The following MARF1 variants were observed in gnomAD, a reference collection of about 807,000 sequenced individuals.
MARF1 encodes meiosis regulator and mRNA stability factor 1, also known as limkain-b1.
MARF1 carries 24 observed loss-of-function variants against 168.2 expected under a neutral mutation model. The ratio of observed to expected loss-of-function variants is 0.14; its 90% CI spans 0.10 to 0.20. The LOEUF is 0.20. Ranked by LOEUF, MARF1 falls within the 10% of genes least tolerant of loss-of-function variation. The pLI, the probability that MARF1 is intolerant of heterozygous loss-of-function variation, is 1.00. For synonymous variants in MARF1, 868 were observed against 822.4 expected, an observed-to-expected ratio of 1.06 and a Z score of -0.95; for missense variants, 1,744 against 2,143.6, an observed-to-expected ratio of 0.81 and a Z score of 3.68.
chr16:15,635,197 A>C (rs1024343766), intron 3 of MARF1: 1 of 453,938 alleles, frequency 2.2e-6, no homozygotes. Context: ...TGCAACGAAG[A>C]CCTCACACAT....
At chr16:15,634,040 TTC>T (rs2035424114) in intron 4 of MARF1, among the ~76,000 whole-genome samples, 197 bp from the exon 5 acceptor site, 1 of 152,178 alleles carries the variant, frequency 6.6e-6, no homozygotes, top group Non-Finnish European at 1.5e-5. Context: ...AAGAGATTAT[TTC>T]TGTTTTTCAG....
chr16:15,622,747 G>T (rs1398465978), intron 11 of MARF1, among the ~76,000 whole-genome samples, 187 bp downstream of exon 11: 1 of 152,188 alleles, frequency 6.6e-6, no homozygotes, highest in Admixed American at 6.5e-5. Context: ...CTTGCTCTCT[G>T]GGGCTAACAT....
At position 15,615,839 on chromosome 16, in the gene MARF1, G is replaced by A. The variant is rs2151146631; in HGVS notation, c.3244C>T (p.Pro1082Ser). ...VKWIHNKPPPPNTDPWLLRSK... is the reference protein window; with the variant it reads ...VKWIHNKPPPSNTDPWLLRSK... ...AATACCTGACACCTACCAGTGTTGG[G>A]AGGCGGGGGCTTGTTGTGAATCCAT... The change falls in exon 16 of 27, where the codon CCC (proline) becomes TCC (serine). Residue 1082 changes from proline to serine, a missense_variant. Around this residue, in one of 7 missense-constraint regions of MARF1, gnomAD observed 543 missense variants for 742.1 expected, o/e 0.73. Transcript: ENST00000396368. The A allele has an allele frequency of 6.4e-7, 1 of 1,562,002 alleles. No homozygotes were observed. The highest frequency in any genetic ancestry group is 8.7e-7 in the Non-Finnish European group (1 of 1,151,506).
intron 17 of MARF1, 39 bp downstream of exon 17, chr16:15,612,518 T>C (rs2033658775): frequency 4.5e-6 from 7 of 1,550,928 alleles, no homozygotes; most frequent in Non-Finnish European, 6.2e-6. Flanking sequence ...TGGAGGAACA[T>C]TCCTGCCTGT....
chr16:15,608,612 C>T, intron 20 of MARF1, 94 bp from the exon 21 acceptor site: 1 of 861,350 alleles, frequency 1.2e-6, no homozygotes, highest in Non-Finnish European at 1.8e-6. Flanking sequence ...AATGAAAAAA[C>T]AAGTCAGCGT....
intron 2 of MARF1, among the ~76,000 whole-genome samples, chr16:15,636,938 T>C (rs972754901): frequency 2.0e-5 from 3 of 152,176 alleles, no homozygotes; most frequent in Admixed American, 6.5e-5. Flanking sequence ...GACAATTATA[T>C]TGCAGCCAGT....
rs1348541714 is a variant in MARF1, at chr16:15,596,822, G to A, written c.5100C>T (p.Pro1700=). The A allele has an allele frequency of 6.8e-6, 11 of 1,614,064 alleles. No individual in the cohort carries two copies. The South Asian group carries it at 9.9e-5, about 14-fold the overall frequency. ...ACTCGGAGGTTTCCGAGGAGGGGCA[G>A]GGAGGCACGGGGACAGCTGCTGAGA... ...SCISAAVPVP[P]CPSSETSESL... is the part of the protein sequence containing the mutation. The change falls in exon 27 of 27, where the codon CCC becomes CCT. Residue 1700 remains proline, a synonymous_variant. Coordinates refer to ENST00000396368, the MANE Select transcript of MARF1 (RefSeq NM_014647.4).
intron 13 of MARF1, among the ~76,000 whole-genome samples, chr16:15,619,812 G>A (rs781427366): frequency 2.6e-5 from 4 of 152,120 alleles, no homozygotes; most frequent in Non-Finnish European, 4.4e-5. Flanking sequence ...TTATGGCAGA[G>A]CTAGTCCCTG....
Position 15,633,602 on chromosome 16 carries a change from AT to A in MARF1, c.1233+14del, listed in dbSNP as rs5815838. 818,056 of 1,296,288 alleles carry A rather than the reference AT, an allele frequency of 0.63. 223,080 individuals are homozygous for A. Among genetic ancestry groups the A allele is most frequent in the African/African-American group, 0.86 (56,106 of 64,990 alleles). 80.3% of individuals were successfully genotyped at this position (1,296,288 alleles called of 1,614,324 possible). On this transcript the variant is annotated intron_variant, in intron 5 of 26. Coordinates refer to ENST00000396368, the MANE Select transcript of MARF1 (RefSeq NM_014647.4). ...CTCTACTGTAGATTAAAATTATTAA[AT>A]TTTTTTTTTTTACCTGGCAATTATT...
chr16:15,596,536 T>TG lies in MARF1; in HGVS notation c.*156_*157insC. On this transcript the variant is annotated 3_prime_UTR_variant, in exon 27 of 27. Transcript: ENST00000396368. ...GAAAGACTTCAGCTCAAAGCTGTGT[T>TG]CAATGGAAAAGAAAAACATGATAGA... The TG allele has an allele frequency of 1.6e-6, 1 of 613,260 alleles. No homozygotes were observed. The allele number at this position is 613,260 out of a possible 1,614,324, so 38.0% of individuals were successfully genotyped here.
intron 26 of MARF1, among the ~76,000 whole-genome samples, chr16:15,598,087 C>G (rs2031942898): frequency 6.6e-6 from 1 of 152,132 alleles, no homozygotes; most frequent in Non-Finnish European, 1.5e-5. Context: ...AGATGAAGAG[C>G]AGGGAGGGAT....
At chr16:15,629,859 C>T (rs2035133513) in intron 7 of MARF1, among the ~76,000 whole-genome samples, 1 of 152,186 alleles carries the variant, frequency 6.6e-6, no homozygotes, top group Non-Finnish European at 1.5e-5. Flanking sequence ...ACAGGGAATG[C>T]ACAATAGAAA....
intron 16 of MARF1, 142 bp downstream of exon 16, chr16:15,615,688 G>C: frequency 2.0e-6 from 1 of 511,580 alleles, no homozygotes; most frequent in Non-Finnish European, 3.3e-6. Flanking sequence ...AGCATTTTAG[G>C]AATTTTCAAA....
At chr16:15,600,588 T>G in intron 24 of MARF1, 35 bp from the exon 25 acceptor site, 1 of 1,614,176 alleles carries the variant, frequency 6.2e-7, no homozygotes, top group Non-Finnish European at 8.5e-7. Context: ...GAGAGAAATG[T>G]CAGTGAGAGA....
intron 17 of MARF1, 95 bp from the exon 18 acceptor site, chr16:15,611,829 T>C (rs2151109965): frequency 1.0e-6 from 1 of 1,001,120 alleles, no homozygotes. Context: ...CCTCAGAGCA[T>C]GACTCCCTTT....
chr16:15,638,278 G>A (rs892465832), intron 2 of MARF1, among the ~76,000 whole-genome samples: 3 of 151,914 alleles, frequency 2.0e-5, no homozygotes, highest in Admixed American at 2.0e-4. Flanking sequence ...TAACATGAGT[G>A]CATGAAGTCA....
In MARF1 at chr16:15,635,978, G is replaced by A. The variant is rs758287677; in HGVS notation, c.509C>T (p.Ala170Val). The A allele has an allele frequency of 2.5e-6, 4 of 1,614,174 alleles. No homozygotes were observed. Among genetic ancestry groups the A allele is most frequent in the Non-Finnish European group, 3.4e-6 (4 of 1,180,042 alleles). Reference sequence around the variant, plus strand: ...GCTGGGAAAGTCACTTGCAATGCCTGCCAAATTGTTCCTAGCTGAGGCATT... The same window carrying A: ...GCTGGGAAAGTCACTTGCAATGCCTACCAAATTGTTCCTAGCTGAGGCATT... ...LQNASARNNLAGIASDFPSMC... is the reference protein window; with the variant it reads ...LQNASARNNLVGIASDFPSMC... Residue 170 changes from alanine to valine, a missense_variant, in exon 3 of 27, where the codon GCA (alanine) becomes GTA (valine). By Grantham distance (64) the Ala-to-Val change is moderately conservative. Around this residue, in one of 7 missense-constraint regions of MARF1, gnomAD observed 318 missense variants for 336.6 expected, o/e 0.94. Transcript: ENST00000396368.
intron 17 of MARF1, 48 bp from the exon 18 acceptor site, chr16:15,611,782 C>T (rs750592436): frequency 3.9e-6 from 6 of 1,530,328 alleles, no homozygotes; most frequent in South Asian, 3.5e-5. Flanking sequence ...CAGCAGACAG[C>T]GACTTCCTTG....
At chr16:15,608,156 A>C in intron 21 of MARF1, 135 bp downstream of exon 21, 1 of 629,842 alleles carries the variant, frequency 1.6e-6, no homozygotes, top group South Asian at 2.0e-5. Context: ...AACGAGTCAT[A>C]ATGCTGTGAC....
Sources: gnomAD v4.1 joint callset for allele counts (sites outside exome capture counted in the v4.1 genomes callset) on GRCh38, gnomAD v4.1.1 for gene constraint, gnomAD v4.1.1 regional missense constraint, MANE v1.5 for transcripts, NCBI Gene and HGNC (gene_info 2026-07-23, HGNC 2026-07-21) for gene names.